Variants in ZNF138 observed in about 807,000 individuals in gnomAD.
The protein encoded by ZNF138 is zinc finger protein 138 (clone pHZ-32).
In ZNF138, 33 loss-of-function variants were observed where a neutral mutation model predicts 33.0. The observed-to-expected ratio is 1.00, with a 90% CI of 0.76 to 1.34. ZNF138 has a LOEUF of 1.34. ZNF138 is among the 40% of genes most tolerant of loss of function. The probability of loss-of-function intolerance (pLI) is 0.00; values close to 1 mark genes in which losing one functional copy is unlikely to be tolerated. For missense variants in ZNF138, 360 were observed against 370.8 expected, an observed-to-expected ratio of 0.97 and a Z score of 0.24; for synonymous variants, 139 against 120.4, an observed-to-expected ratio of 1.15 and a Z score of -1.01.
the ZNF138 span, among the ~76,000 whole-genome samples, chr7:64,845,952 G>C: frequency 2.1e-3 from 323 of 152,260 alleles, no homozygotes; most frequent in African/African-American, 7.4e-3. Flanking sequence ...GATGAGAGAT[G>C]AGGATCCAGT....
At chr7:64,848,704 A>ATTTTTTTTT in the ZNF138 span, among the ~76,000 whole-genome samples, 2 of 102,614 alleles carry the variant, frequency 1.9e-5, no homozygotes, top group Non-Finnish European at 3.6e-5. Context: ...ATTTTGGTGG[A>ATTTTTTTTT]TTTTTTTTTT....
In ZNF138 at chr7:64,807,382, G is replaced by T. The variant is rs149775342; in HGVS notation, c.4-7536G>T. ...TATAACTGCTGCTAATCAAAGCGCA[G>T]ATTTCAGGCAACTTGAATCTTTGCT... On this transcript the variant is annotated intron_variant, in intron 1 of 3. Transcript: ENST00000307355. 7.9e-5 allele frequency among the ~76,000 whole-genome samples: 12 copies of T among 152,314 alleles called. No homozygotes were observed. The East Asian group carries it at 2.1e-3, about 27-fold the overall frequency.
chr7:64,828,400 G>A (rs1301747814), intron 3 of ZNF138, among the ~76,000 whole-genome samples: 2 of 152,018 alleles, frequency 1.3e-5, no homozygotes, highest in Non-Finnish European at 2.9e-5. Flanking sequence ...CTGATTCTAA[G>A]AGTGTAACTG....
the ZNF138 span, among the ~76,000 whole-genome samples, chr7:64,852,056 T>C: frequency 2.6e-5 from 4 of 152,210 alleles, no homozygotes; most frequent in African/African-American, 4.8e-5. Context: ...CTCTTTGACA[T>C]GACTACGATA....
the ZNF138 span, among the ~76,000 whole-genome samples, chr7:64,850,586 C>T: frequency 6.6e-6 from 1 of 152,178 alleles, no homozygotes; most frequent in African/African-American, 2.4e-5. Context: ...GGGTGTTGGG[C>T]ATAATGGTTA....
At chr7:64,817,996 A>AT (rs1162172898) in intron 3 of ZNF138, among the ~76,000 whole-genome samples, 185 of 87,134 alleles carry the variant, frequency 2.1e-3, no homozygotes, top group African/African-American at 4.1e-3. Flanking sequence ...TATTATTATT[A>AT]TTTTTTTTTT....
intron 1 of ZNF138, among the ~76,000 whole-genome samples, chr7:64,808,375 G>T (rs1052890888): frequency 6.6e-6 from 1 of 152,114 alleles, no homozygotes; most frequent in Non-Finnish European, 1.5e-5. Context: ...AAAAATAGAT[G>T]AAGCAGTCAT....
At chr7:64,809,700 A>AC (rs1787968130) in intron 1 of ZNF138, among the ~76,000 whole-genome samples, 1 of 145,772 alleles carries the variant, frequency 6.9e-6, no homozygotes, top group South Asian at 2.2e-4. Context: ...CACTTCTCAG[A>AC]CGGGGCGGTT....
chr7:64,860,454 G>A, the ZNF138 span, among the ~76,000 whole-genome samples: 2 of 151,946 alleles, frequency 1.3e-5, no homozygotes, highest in Non-Finnish European at 2.9e-5. Flanking sequence ...CCTCTGTTAC[G>A]TTTTTACTTA....
In ZNF138 at chr7:64,832,188, TTTAACCTATCTTAACAAC is replaced by T. The variant is rs1562928124; in HGVS notation, c.950_*7del. On this transcript the variant is annotated stop_lost and 3_prime_UTR_variant, in exon 4 of 4. Transcript: ENST00000307355. Reference sequence around the variant, plus strand: ...CAAATGTGAGGAATGTGGCAAAGCTTTTAACCTATCTTAACAACTTACTGAACATAAGAAAATTTACAC... The same window carrying T: ...CAAATGTGAGGAATGTGGCAAAGCTTTTACTGAACATAAGAAAATTTACAC... 2 of 1,607,620 alleles carry T rather than the reference TTTAACCTATCTTAACAAC, an allele frequency of 1.2e-6. No homozygotes were observed. The highest frequency in any genetic ancestry group is 2.2e-5 in the South Asian group (2 of 90,268).
chr7:64,814,218 A>G (rs1788423002), intron 1 of ZNF138: 2 of 842,438 alleles, frequency 2.4e-6, no homozygotes, highest in Non-Finnish European at 1.5e-6. Flanking sequence ...TGCATTAACC[A>G]GATCTCGAGT....
chr7:64,831,364 T>A, intron 3 of ZNF138, 87 bp from the exon 4 acceptor site: 1 of 1,228,138 alleles, frequency 8.1e-7, no homozygotes, highest in African/African-American at 1.5e-5. Context: ...GCTTATGTAG[T>A]TTGTATGATT....
chr7:64,848,705 T>TTTC, the ZNF138 span, among the ~76,000 whole-genome samples: 4 of 2,114 alleles, frequency 1.9e-3, no homozygotes, highest in South Asian at 0.023. Flanking sequence ...TTTTGGTGGA[T>TTTC]TTTTTTTTTT....
chr7:64,807,022 G>A (rs1385298490), intron 1 of ZNF138, among the ~76,000 whole-genome samples: 3 of 152,200 alleles, frequency 2.0e-5, no homozygotes, highest in South Asian at 2.1e-4. Flanking sequence ...CACCCAGGGT[G>A]GAAAACCACT....
chr7:64,819,907 A>ATT (rs201250689), intron 3 of ZNF138, among the ~76,000 whole-genome samples: 2 of 143,338 alleles, frequency 1.4e-5, no homozygotes, highest in African/African-American at 2.6e-5. Flanking sequence ...TCAACTACAA[A>ATT]TTTTTTTTTT....
At chr7:64,814,296 A>G in intron 1 of ZNF138, 1 of 288,806 alleles carries the variant, frequency 3.5e-6, no homozygotes, top group Admixed American at 5.3e-5. Flanking sequence ...TGAAAAATAC[A>G]CACAACTTAT....
At chr7:64,807,263 G>T (rs1046183654) in intron 1 of ZNF138, among the ~76,000 whole-genome samples, 1 of 152,186 alleles carries the variant, frequency 6.6e-6, no homozygotes, top group Non-Finnish European at 1.5e-5. Context: ...TTCTGTGCAT[G>T]TGTCTTTAAT....
Position 64,831,949 on chromosome 7 carries a change from C to T in ZNF138, c.707C>T (p.Ser236Leu). 6.2e-7 allele frequency: 1 copy of T among 1,613,404 alleles called. No individual in the cohort carries two copies. Among genetic ancestry groups the T allele is most frequent in the Non-Finnish European group, 8.5e-7 (1 of 1,179,716 alleles). The change falls in exon 4 of 4, where the codon TCA (serine) becomes TTA (leucine). Residue 236 changes from serine (S) to leucine (L), a missense_variant. Coordinates refer to ENST00000307355, the MANE Select transcript of ZNF138 (RefSeq NM_001271639.2). ...TGTGGAAAAGCCTTTCACCAATCCT[C>T]AATCCTTACTAAACATAAGATAATT... ...EVCGKAFHQSSILTKHKIIRT... is the reference protein window; with the variant it reads ...EVCGKAFHQSLILTKHKIIRT...
At chr7:64,825,154 CTTTTTTTTTTTTTTTTT>C (rs71061316) in intron 3 of ZNF138, among the ~76,000 whole-genome samples, 10 of 46,020 alleles carry the variant, frequency 2.2e-4, no homozygotes, top group East Asian at 1.7e-3. Flanking sequence ...GTTGTATGCT[CTTTTTTTTTTTTTTTTT>C]TTTTTTTTTT....
Sources: gnomAD v4.1 joint callset for allele counts (sites outside exome capture counted in the v4.1 genomes callset) on GRCh38, gnomAD v4.1.1 for gene constraint, MANE v1.5 for transcripts, NCBI Gene and HGNC (gene_info 2026-07-23, HGNC 2026-07-21) for gene names.